XRN2: variants seen among roughly 807,000 people sequenced by gnomAD.
XRN2 encodes 5'-3' exoribonuclease 2, also known as DHM1-like protein.
A neutral mutation model predicts 138.5 loss-of-function variants in XRN2; 44 were observed. The ratio of observed to expected loss-of-function variants is 0.32; its 90% CI spans 0.25 to 0.41. The LOEUF (loss-of-function observed/expected upper bound fraction) is 0.41, where lower values mean the gene tolerates loss of function less well. Among genes scored for constraint, XRN2 ranks in the 10% least tolerant of loss-of-function variants. XRN2 has a pLI of 1.00. For missense variants in XRN2, 937 were observed against 1,169.3 expected, an observed-to-expected ratio of 0.80 and a Z score of 2.90; for synonymous variants, 354 against 369.4, an observed-to-expected ratio of 0.96 and a Z score of 0.48.
intron 4 of XRN2, among the ~76,000 whole-genome samples, chr20:21,330,011 G>A (rs2038183590): frequency 6.6e-6 from 1 of 152,084 alleles, no homozygotes; most frequent in Admixed American, 6.6e-5. Flanking sequence ...GGCTGAGCAC[G>A]ATGGCTCACC....
chr20:21,303,800 T>C (rs1439076423), intron 1 of XRN2: 1 of 1,095,144 alleles, frequency 9.1e-7, no homozygotes, highest in Non-Finnish European at 1.1e-6. Flanking sequence ...CCGCGCATTT[T>C]GGGTCTCGGA....
chr20:21,340,903 C>G, intron 15 of XRN2, 51 bp downstream of exon 15: 1 of 1,601,240 alleles, frequency 6.2e-7, no homozygotes, highest in Non-Finnish European at 8.5e-7. Flanking sequence ...TATCACATAC[C>G]TCTTGCAGGG....
rs117208094 is a variant in XRN2 at position 21,347,608 on chromosome 20, G to A, written c.1666-538G>A. 2.8e-3 allele frequency among the ~76,000 whole-genome samples: 427 copies of A among 152,270 alleles called. 1 individual carries two copies. Among genetic ancestry groups the A allele is most frequent in the Admixed American group, 5.6e-3 (86 of 15,304 alleles). On this transcript the variant is annotated intron_variant, in intron 17 of 29. Transcript: ENST00000377191. ...TATCTCTTTCCTATGAGTATAACTT[G>A]CTTTTGTTTTCTTTTTGCTGTGTTT...
chr20:21,328,446 CCTTT>C, intron 3 of XRN2, 109 bp from the exon 4 acceptor site: 3 of 1,015,942 alleles, frequency 3.0e-6, no homozygotes, highest in Non-Finnish European at 2.9e-6. Flanking sequence ...ACATTACTTA[CCTTT>C]CTTCCATTTT....
At chr20:21,387,980 A>C (rs922090823) in intron 29 of XRN2, among the ~76,000 whole-genome samples, 4 of 152,240 alleles carry the variant, frequency 2.6e-5, no homozygotes, top group African/African-American at 9.6e-5. Context: ...TATTTGAATC[A>C]GTTTATCGAA....
At position 21,372,708 on chromosome 20, in the gene XRN2, C is replaced by T. The variant is rs902137893; in HGVS notation, c.2584+4118C>T. Among the ~76,000 whole-genome samples, 5 of 151,946 alleles carry T rather than the reference C, an allele frequency of 3.3e-5. No individual in the cohort carries two copies. In the South Asian group the frequency reaches 8.3e-4, roughly 25 times the overall value. ...ACATATGTAAAGTGCTAAATCGAAC[C>T]GTACAGTGTAGTTTTTATGAAATAG... On this transcript the variant is annotated intron_variant, in intron 27 of 29. Coordinates refer to ENST00000377191, the MANE Select transcript of XRN2 (RefSeq NM_012255.5).
At position 21,329,883 on chromosome 20, in the gene XRN2, GT is replaced by G. The variant is rs2038180719; in HGVS notation, c.428-597del. Among the ~76,000 whole-genome samples, 4 of 151,720 alleles carry G rather than the reference GT, an allele frequency of 2.6e-5. No homozygotes were observed. In the South Asian group the frequency reaches 8.3e-4, roughly 32 times the overall value. On this transcript the variant is annotated intron_variant, in intron 4 of 29. Transcript: ENST00000377191. Reference sequence around the variant, plus strand: ...TGTGTGTGTGTGTGTGTGTGTGTGTGTGTGTGTGTGTGTGTATTCTCTTACA... The same window carrying G: ...TGTGTGTGTGTGTGTGTGTGTGTGTGGTGTGTGTGTGTGTATTCTCTTACA...
Position 21,368,602 on chromosome 20 carries a change from C to A in XRN2, c.2584+12C>A. The A allele has an allele frequency of 6.2e-7, 1 of 1,609,806 alleles. No homozygotes were observed. Among genetic ancestry groups the A allele is most frequent in the Middle Eastern group, 1.7e-4 (1 of 6,040 alleles). On this transcript the variant is annotated intron_variant, in intron 27 of 29. Coordinates refer to ENST00000377191, the MANE Select transcript of XRN2 (RefSeq NM_012255.5). Reference sequence around the variant, plus strand: ...AAAACTTATGTCAAGTAAGCTTTTACAAATCGGTTATTTTACATTATAAAT... The same window carrying A: ...AAAACTTATGTCAAGTAAGCTTTTAAAAATCGGTTATTTTACATTATAAAT...
At chr20:21,319,286 T>C (rs184641664) in intron 1 of XRN2, among the ~76,000 whole-genome samples, 1 of 152,298 alleles carries the variant, frequency 6.6e-6, no homozygotes, top group East Asian at 1.9e-4. Context: ...ATCTCAAGTG[T>C]ATCTCCTGTA....
At chr20:21,346,353 A>G (rs1330613551) in intron 16 of XRN2, 62 bp from the exon 17 acceptor site, 2 of 1,591,612 alleles carry the variant, frequency 1.3e-6, no homozygotes, top group African/African-American at 1.3e-5. Flanking sequence ...GGTATAAATT[A>G]GTAGACAGCC....
rs1331179689 is a variant in XRN2 at position 21,365,578 on chromosome 20, C to T, written c.2330C>T (p.Pro777Leu). ...TTGTCTTTTTAAATGGTCAGAAAGCCAGCAGCAGTACTGAAACCTAGTGAC... is the reference window on the plus strand; with the variant it reads ...TTGTCTTTTTAAATGGTCAGAAAGCTAGCAGCAGTACTGAAACCTAGTGAC... ...KAVMLPGARK[P>L]AAVLKPSDWE... is the part of the protein sequence containing the mutation. Residue 777 changes from proline to leucine, a missense_variant, in exon 26 of 30, where the codon CCA becomes CTA. Around this residue, in one of 6 missense-constraint regions of XRN2, gnomAD observed 372 missense variants for 414.4 expected, o/e 0.90. Coordinates refer to ENST00000377191, the MANE Select transcript of XRN2 (RefSeq NM_012255.5). The T allele has an allele frequency of 6.2e-7, 1 of 1,613,176 alleles. No individual in the cohort carries two copies. Among genetic ancestry groups the T allele is most frequent in the East Asian group, 2.2e-5 (1 of 44,824 alleles).
intron 27 of XRN2, among the ~76,000 whole-genome samples, chr20:21,375,035 T>TTG (rs1355033610): frequency 7.2e-6 from 1 of 139,364 alleles, no homozygotes; most frequent in Non-Finnish European, 1.5e-5. Context: ...TTTTTTTTTT[T>TTG]GGTGGGAATG....
chr20:21,389,196 T>C, intron 29 of XRN2, 77 bp from the exon 30 acceptor site: 3 of 1,323,800 alleles, frequency 2.3e-6, no homozygotes, highest in Non-Finnish European at 3.2e-6. Flanking sequence ...GATGTGTTTT[T>C]CCATAGAGGT....
rs569836098 is a variant in XRN2, at chr20:21,314,194, GT to G, written c.75+10724del. ...TGAGAGGAATCTATAGAATATGGTC[GT>G]TTCTGGCTGGCTGCTTTCACTTAAT... On this transcript the variant is annotated intron_variant, in intron 1 of 29. Transcript: ENST00000377191. Among the ~76,000 whole-genome samples the G allele has an allele frequency of 3.9e-4, 60 of 152,222 alleles. No individual in the cohort carries two copies. In the South Asian group the frequency reaches 6.2e-3, roughly 16 times the overall value.
intron 24 of XRN2, among the ~76,000 whole-genome samples, chr20:21,361,465 CA>C (rs1486522993): frequency 1.3e-5 from 2 of 152,174 alleles, no homozygotes; most frequent in African/African-American, 4.8e-5. Flanking sequence ...CTTCAGTTTA[CA>C]GAATTAGATG....
intron 16 of XRN2, among the ~76,000 whole-genome samples, chr20:21,344,667 A>C (rs148150295): frequency 1.8e-3 from 270 of 152,350 alleles, no homozygotes; most frequent in Non-Finnish European, 2.9e-3. Flanking sequence ...TCATTCTGTT[A>C]AGAGATCAAT....
At chr20:21,346,643 G>C in intron 17 of XRN2, 93 bp downstream of exon 17, 1 of 1,488,890 alleles carries the variant, frequency 6.7e-7, no homozygotes. Flanking sequence ...TTTTTGAGAC[G>C]GAGTCTTGCC....
At chr20:21,319,718 T>G (rs1197042934) in intron 1 of XRN2, among the ~76,000 whole-genome samples, 1 of 152,102 alleles carries the variant, frequency 6.6e-6, no homozygotes, top group African/African-American at 2.4e-5. Context: ...CATCCCCCCT[T>G]TGTATATTAT....
At chr20:21,377,729 A>G (rs889437457) in intron 27 of XRN2, among the ~76,000 whole-genome samples, 1 of 152,198 alleles carries the variant, frequency 6.6e-6, no homozygotes, top group African/African-American at 2.4e-5. Flanking sequence ...CACAAAAGGA[A>G]GAGAGATAGA....
Sources: allele counts gnomAD v4.1 joint callset (sites outside exome capture counted in the v4.1 genomes callset), GRCh38; gene constraint gnomAD v4.1.1; regional missense constraint gnomAD v4.1.1; transcripts MANE v1.5; gene names NCBI Gene and HGNC (gene_info 2026-07-23, HGNC 2026-07-21).